The following COX10 variants were observed in gnomAD, a reference collection of about 807,000 sequenced individuals.
COX10 encodes protoheme IX farnesyltransferase, mitochondrial.
In COX10, 27 loss-of-function variants were observed where a neutral mutation model predicts 37.3. The ratio of observed to expected loss-of-function variants is 0.72; its 90% CI spans 0.53 to 1.00. COX10 has a LOEUF of 1.00. COX10 is among the 50% of genes least tolerant of loss of function. The probability of loss-of-function intolerance (pLI) is 0.00; values close to 1 mark genes in which losing one functional copy is unlikely to be tolerated. For missense variants in COX10, 475 were observed against 563.2 expected (o/e 0.84, Z 1.59); for synonymous variants, 222 against 229.1 (o/e 0.97, Z 0.28).
chr17:14,206,276 C>T (rs542939379), intron 6 of COX10, among the ~76,000 whole-genome samples: 6 of 152,144 alleles, frequency 3.9e-5, no homozygotes, highest in Non-Finnish European at 8.8e-5. Context: ...GGACTTGCAG[C>T]GTCCTCCAGG....
chr17:14,123,764 G>T (rs1916274970), intron 4 of COX10, among the ~76,000 whole-genome samples: 1 of 152,166 alleles, frequency 6.6e-6, no homozygotes, highest in Non-Finnish European at 1.5e-5. Context: ...GCTTTCTGTG[G>T]ATGGAGAAGC....
chr17:14,081,195 T>C lies in COX10; in HGVS notation c.499+4139T>C, dbSNP rs1915285563. Among the ~76,000 whole-genome samples, 3 of 152,228 alleles carry C rather than the reference T, an allele frequency of 2.0e-5. No individual in the cohort carries two copies. The South Asian group carries it at 6.2e-4, about 31-fold the overall frequency. On this transcript the variant is annotated intron_variant, in intron 3 of 6. Transcript: ENST00000261643. ...GCCTGAAATGCTTACTGTCTGGCGT[T>C]TACAGAAAAAGTTTGCTGACCTTCT...
In COX10 at chr17:14,076,976, A is replaced by C; in HGVS notation, c.419A>C (p.Glu140Ala). Residue 140 changes from glutamate (E) to alanine (A), a missense_variant, in exon 3 of 7, where the codon GAA (glutamate) becomes GCA (alanine). Transcript: ENST00000261643. ...GATGTAGGGAAAGAGACAAAAGAGG[A>C]AAAGCGGTGGAAAGAGATGAAGCTG... ...SIDVGKETKE[E>A]KRWKEMKLQV... The C allele has an allele frequency of 6.2e-7, 1 of 1,613,258 alleles. No homozygotes were observed. The highest frequency in any genetic ancestry group is 1.3e-5 in the African/African-American group (1 of 74,740).
intron 2 of COX10, among the ~76,000 whole-genome samples, chr17:14,075,601 A>G (rs1340637961): frequency 6.6e-6 from 1 of 152,210 alleles, no homozygotes; most frequent in Non-Finnish European, 1.5e-5. Flanking sequence ...ACTGTAAAGT[A>G]CTTCACAAAT....
intron 4 of COX10, among the ~76,000 whole-genome samples, chr17:14,117,758 G>A (rs925101802): frequency 6.6e-6 from 1 of 152,140 alleles, no homozygotes; most frequent in Non-Finnish European, 1.5e-5. Flanking sequence ...GTCTGCAGGC[G>A]GCTTGTGTTA....
At chr17:14,080,858 A>T (rs1915277990) in intron 3 of COX10, among the ~76,000 whole-genome samples, 1 of 146,194 alleles carries the variant, frequency 6.8e-6, no homozygotes, top group Non-Finnish European at 1.5e-5. Context: ...GAGATTTTTG[A>T]CTTTTATGTA....
At chr17:14,083,327 TCA>T (rs1218016971) in intron 3 of COX10, among the ~76,000 whole-genome samples, 1 of 152,238 alleles carries the variant, frequency 6.6e-6, no homozygotes, top group Non-Finnish European at 1.5e-5. Context: ...TTACTTGAAG[TCA>T]CATGTGTTTT....
chr17:14,113,261 C>A (rs1916043936), intron 4 of COX10, among the ~76,000 whole-genome samples: 1 of 152,072 alleles, frequency 6.6e-6, no homozygotes, highest in South Asian at 2.1e-4. Flanking sequence ...CACCAAAAAT[C>A]AGCCCATGCA....
intron 5 of COX10, among the ~76,000 whole-genome samples, chr17:14,165,891 C>A (rs1288006811): frequency 6.6e-6 from 1 of 152,214 alleles, no homozygotes; most frequent in Non-Finnish European, 1.5e-5. Flanking sequence ...ATCTAAGCAG[C>A]CACAGCATTG....
At chr17:14,143,210 C>T (rs925654489) in intron 4 of COX10, among the ~76,000 whole-genome samples, 6 of 152,090 alleles carry the variant, frequency 3.9e-5, no homozygotes, top group Non-Finnish European at 8.8e-5. Flanking sequence ...CAGTGTATTT[C>T]GGGTACTGAT....
intron 5 of COX10, chr17:14,182,147 C>T (rs560149603): frequency 6.0e-5 from 59 of 983,146 alleles, no homozygotes; most frequent in South Asian, 1.9e-4. Flanking sequence ...ACAGTCTCTG[C>T]GCCGAACATC....
intron 5 of COX10, among the ~76,000 whole-genome samples, chr17:14,188,982 A>T: frequency 7.1e-6 from 1 of 140,136 alleles, no homozygotes; most frequent in Middle Eastern, 3.5e-3. Context: ...TGACTGGACC[A>T]CTCCCACCTC....
chr17:14,106,675 G>A (rs972932006), intron 4 of COX10, among the ~76,000 whole-genome samples: 3 of 152,194 alleles, frequency 2.0e-5, no homozygotes, highest in Non-Finnish European at 2.9e-5. Flanking sequence ...ATCTTGGCTC[G>A]GTTTGTAGGT....
chr17:14,201,005 G>T (rs1906527327), intron 6 of COX10, among the ~76,000 whole-genome samples: 1 of 152,122 alleles, frequency 6.6e-6, no homozygotes, highest in East Asian at 1.9e-4. Flanking sequence ...CTTTCTTCCT[G>T]GCCAGACACG....
chr17:14,175,087 G>GC lies in COX10; in HGVS notation c.695+15140_695+15141insC, dbSNP rs1163021614. On this transcript the variant is annotated intron_variant, in intron 5 of 6. Coordinates refer to ENST00000261643, the MANE Select transcript of COX10 (RefSeq NM_001303.4). ...TCAGTGGTTACTGGGAAATAGCGGG[G>GC]GGGGGGGGGGTGGATAGGAGGGAAT... Among the ~76,000 whole-genome samples, 4 of 73,132 alleles carry GC rather than the reference G, an allele frequency of 5.5e-5. 1 individual carries two copies. Among genetic ancestry groups the GC allele is most frequent in the African/African-American group, 9.0e-5 (2 of 22,186 alleles). The allele number at this position is 73,132 out of a possible 152,430, so 48.0% of individuals were successfully genotyped here.
chr17:14,157,680 G>T (rs1296617014), intron 4 of COX10, among the ~76,000 whole-genome samples: 1 of 152,088 alleles, frequency 6.6e-6, no homozygotes, highest in Non-Finnish European at 1.5e-5. Flanking sequence ...CCTAATCTGG[G>T]GTCTTCTCAT....
intron 5 of COX10, among the ~76,000 whole-genome samples, chr17:14,163,155 A>T (rs1042004658): frequency 7.2e-5 from 11 of 152,304 alleles, no homozygotes; most frequent in Middle Eastern, 3.4e-3. Flanking sequence ...TTTCCACCAG[A>T]TTTATGTTCT....
intron 4 of COX10, among the ~76,000 whole-genome samples, chr17:14,118,084 G>A (rs985710262): frequency 7.2e-5 from 11 of 152,066 alleles, no homozygotes; most frequent in African/African-American, 1.9e-4. Flanking sequence ...GGTGTCTGTC[G>A]GTTTGTTTTT....
intron 4 of COX10, among the ~76,000 whole-genome samples, chr17:14,153,939 T>C (rs1904972460): frequency 6.6e-6 from 1 of 152,184 alleles, no homozygotes; most frequent in South Asian, 2.1e-4. Context: ...TGAATATTAC[T>C]CAGCGATAAA....
Sources: allele counts gnomAD v4.1 joint callset (sites outside exome capture counted in the v4.1 genomes callset), GRCh38; gene constraint gnomAD v4.1.1; transcripts MANE v1.5; gene names NCBI Gene and HGNC (gene_info 2026-07-23, HGNC 2026-07-21).